TTC17: variants seen among roughly 807,000 people sequenced by gnomAD.
TTC17 encodes the protein tetratricopeptide repeat protein 17.
A neutral mutation model predicts 143.8 loss-of-function variants in TTC17; 58 were observed. The ratio of observed to expected loss-of-function variants is 0.40; its 90% confidence interval spans 0.33 to 0.50. The LOEUF (loss-of-function observed/expected upper bound fraction) is 0.50, where lower values mean the gene tolerates loss of function less well. TTC17 is among the 20% of genes least tolerant of loss of function. TTC17 has a pLI of 0.49. For synonymous variants in TTC17, 501 were observed against 497.8 expected, an observed-to-expected ratio of 1.01 and a Z score of -0.09; for missense variants, 1,273 against 1,392.5, an observed-to-expected ratio of 0.91 and a Z score of 1.37.
chr11:43,447,060 C>T (rs1008179095), intron 18 of TTC17, among the ~76,000 whole-genome samples: 10 of 152,152 alleles, frequency 6.6e-5, no homozygotes. Context: ...TGGCTCACAT[C>T]TGTAATCCCA....
At chr11:43,393,200 G>C (rs1054116445) in intron 5 of TTC17, among the ~76,000 whole-genome samples, 2 of 152,156 alleles carry the variant, frequency 1.3e-5, no homozygotes, top group African/African-American at 4.8e-5. Context: ...AGACCCCACA[G>C]GTCAAGGACT....
intron 21 of TTC17, among the ~76,000 whole-genome samples, chr11:43,469,234 G>C (rs961689929): frequency 6.6e-6 from 1 of 152,160 alleles, no homozygotes; most frequent in Non-Finnish European, 1.5e-5. Context: ...TGTTGGAGAG[G>C]ATGTGGAGCA....
chr11:43,468,574 G>A (rs544058459), intron 21 of TTC17, among the ~76,000 whole-genome samples: 1 of 152,098 alleles, frequency 6.6e-6, no homozygotes, highest in African/African-American at 2.4e-5. Flanking sequence ...TAAGTTCTTG[G>A]TGTAGGCAGA....
At chr11:43,430,465 C>A (rs1281252697) in intron 16 of TTC17, among the ~76,000 whole-genome samples, 2 of 151,994 alleles carry the variant, frequency 1.3e-5, no homozygotes, top group Admixed American at 6.6e-5. Flanking sequence ...AGTTGTTGAA[C>A]AGCAAAGAAG....
intron 16 of TTC17, among the ~76,000 whole-genome samples, chr11:43,425,573 G>A (rs1037165398): frequency 2.6e-5 from 4 of 152,072 alleles, no homozygotes; most frequent in African/African-American, 7.2e-5. Context: ...ATATAAAGCA[G>A]CAAGTCTGGT....
At chr11:43,412,981 GACACACACACACACACACACAC>G (rs57982323) in intron 15 of TTC17, among the ~76,000 whole-genome samples, 39 of 140,386 alleles carry the variant, frequency 2.8e-4, no homozygotes, top group Non-Finnish European at 4.5e-4. Flanking sequence ...ACCTAGAATA[GACACACACACACACACACACAC>G]ACACACACAC....
chr11:43,453,180 A>AAAAT (rs10692440), intron 21 of TTC17, among the ~76,000 whole-genome samples: 150,616 of 152,198 alleles, frequency 0.99, 74,539 homozygotes, highest in Non-Finnish European at 1. Flanking sequence ...TGACGAAAAT[A>AAAAT]AGAGAGTTAA....
chr11:43,426,715 A>G (rs1302847175), intron 16 of TTC17, among the ~76,000 whole-genome samples: 5 of 152,206 alleles, frequency 3.3e-5, no homozygotes, highest in African/African-American at 1.2e-4. Flanking sequence ...AATCTTGATC[A>G]ATTATGGAAT....
chr11:43,403,384 C>T (rs1208008133), intron 10 of TTC17, among the ~76,000 whole-genome samples: 3 of 152,138 alleles, frequency 2.0e-5, no homozygotes, highest in Admixed American at 6.5e-5. Flanking sequence ...ATCCCCAGTC[C>T]CATTCTCATT....
intron 11 of TTC17, 64 bp from the exon 12 acceptor site, chr11:43,405,449 GT>G: frequency 8.3e-7 from 1 of 1,206,074 alleles, no homozygotes; most frequent in Non-Finnish European, 1.2e-6. Context: ...CATTTTAAAA[GT>G]TTATTTAGCA....
chr11:43,410,131 G>A (rs1858342630), intron 15 of TTC17, among the ~76,000 whole-genome samples: 2 of 152,174 alleles, frequency 1.3e-5, no homozygotes, highest in Admixed American at 1.3e-4. Flanking sequence ...GGGATTACAG[G>A]TGTGAGCCCT....
chr11:43,468,639 C>A (rs939410103), intron 21 of TTC17, among the ~76,000 whole-genome samples: 1 of 152,104 alleles, frequency 6.6e-6, no homozygotes, highest in Non-Finnish European at 1.5e-5. Context: ...AGTTGGACTT[C>A]ATTAAAATTT....
intron 10 of TTC17, 66 bp from the exon 11 acceptor site, chr11:43,403,932 G>A: frequency 1.4e-6 from 2 of 1,409,944 alleles, no homozygotes; most frequent in Non-Finnish European, 1.9e-6. Context: ...TTTGGTGTGA[G>A]TTAAATTATA....
intron 21 of TTC17, among the ~76,000 whole-genome samples, chr11:43,488,648 A>G (rs765929387): frequency 2.7e-4 from 41 of 152,236 alleles, no homozygotes; most frequent in Admixed American, 5.2e-4. Context: ...ATTTAAATGT[A>G]AAAAATGAAA....
At chr11:43,397,834 T>C (rs1857665923) in intron 7 of TTC17, 140 bp from the exon 8 acceptor site, 2 of 1,219,558 alleles carry the variant, frequency 1.6e-6, no homozygotes, top group Non-Finnish European at 2.3e-6. Context: ...AAGAGGTAGG[T>C]GTGATCTCAT....
intron 16 of TTC17, among the ~76,000 whole-genome samples, chr11:43,429,249 A>C (rs981465627): frequency 6.6e-6 from 1 of 152,214 alleles, no homozygotes; most frequent in Non-Finnish European, 1.5e-5. Context: ...AGAGTAAAAA[A>C]TCCTAGACAC....
At chr11:43,436,432 T>G in intron 16 of TTC17, 1 of 1,083,302 alleles carries the variant, frequency 9.2e-7, no homozygotes, top group Non-Finnish European at 1.2e-6. Context: ...GTTTTCTTCT[T>G]TAACAATCAT....
chr11:43,442,777 G>T (rs942261051), intron 16 of TTC17, among the ~76,000 whole-genome samples: 2 of 152,136 alleles, frequency 1.3e-5, no homozygotes, highest in Admixed American at 6.5e-5. Context: ...AATCATTTTA[G>T]AAAGAAATTA....
At chr11:43,409,951 C>T (rs900273518) in intron 15 of TTC17, among the ~76,000 whole-genome samples, 7 of 151,812 alleles carry the variant, frequency 4.6e-5, no homozygotes, top group Non-Finnish European at 8.8e-5. Context: ...AAGCTCTTCT[C>T]GTGCCTCAGA....
Sources: gnomAD v4.1 joint callset for allele counts (sites outside exome capture counted in the v4.1 genomes callset) on GRCh38, gnomAD v4.1.1 for gene constraint, MANE v1.5 for transcripts, NCBI Gene and HGNC (gene_info 2026-07-23, HGNC 2026-07-21) for gene names.